WIPF1: variants seen among roughly 807,000 people sequenced by gnomAD.
The protein encoded by WIPF1 is WAS/WASL interacting protein family member 1.
A neutral mutation model predicts 35.4 loss-of-function variants in WIPF1; 13 were observed. That is an observed-to-expected ratio of 0.37 (90% CI 0.24 to 0.58). The LOEUF (loss-of-function observed/expected upper bound fraction) is 0.58. Ranked by LOEUF, WIPF1 falls within the 20% of genes least tolerant of loss-of-function variation. The pLI, the probability that WIPF1 is intolerant of heterozygous loss-of-function variation, is 0.74. For synonymous variants in WIPF1, 267 were observed against 266.3 expected (o/e 1.00, Z -0.02); for missense variants, 591 against 667.0 (o/e 0.89, Z 1.25).
At chr2:174,677,289 C>T (rs1462924648) in intron 1 of WIPF1, among the ~76,000 whole-genome samples, 1 of 152,234 alleles carries the variant, frequency 6.6e-6, no homozygotes, top group Non-Finnish European at 1.5e-5. Flanking sequence ...GAAAAATTCA[C>T]TCAAATCTTA....
rs1240394093 is a variant in WIPF1, at chr2:174,634,516, A to G, written c.-39+48258T>C. On this transcript the variant is annotated intron_variant, in intron 1 of 8. Transcript: ENST00000272746. Reference sequence around the variant, plus strand: ...GTTTTCCAGGGGGCAAAAAGCACTAACCTGTATTGTTTTAATCTGCTGAAA... The same window carrying G: ...GTTTTCCAGGGGGCAAAAAGCACTAGCCTGTATTGTTTTAATCTGCTGAAA... 2.0e-5 allele frequency: 3 copies of G among 152,194 alleles called. No homozygotes were observed. The East Asian group carries it at 5.8e-4, about 29-fold the overall frequency. 9.4% of individuals were successfully genotyped at this position (152,194 alleles called of 1,614,324 possible). A position where few individuals can be genotyped will look rare whatever the true frequency, so the allele number is the denominator to read the frequency against.
chr2:174,581,781 A>T (rs1162573264), intron 2 of WIPF1, among the ~76,000 whole-genome samples: 1 of 152,230 alleles, frequency 6.6e-6, no homozygotes, highest in African/African-American at 2.4e-5. Context: ...AGGATTCTGC[A>T]GGACATTACC....
At chr2:174,655,501 T>A (rs552270370) in intron 1 of WIPF1, 1 of 152,362 alleles carries the variant, frequency 6.6e-6, no homozygotes, top group Admixed American at 6.5e-5. Flanking sequence ...ACCCTAGGTA[T>A]GACAGCTCCT....
rs1485279274 is a variant in WIPF1 at position 174,560,541 on chromosome 2, T to C, written c.*2006A>G. 1 of 152,642 alleles carries C rather than the reference T, an allele frequency of 6.6e-6. No homozygotes were observed. Among genetic ancestry groups the C allele is most frequent in the East Asian group, 1.9e-4 (1 of 5,206 alleles). 9.5% of individuals were successfully genotyped at this position (152,642 alleles called of 1,614,324 possible). On this transcript the variant is annotated 3_prime_UTR_variant, in exon 8 of 8. Coordinates refer to ENST00000679041, the MANE Select transcript of WIPF1 (RefSeq NM_001375834.1). The stretch of plus-strand genomic sequence containing the variant: ...AGATAAAAGAATCCCAAATAAATGA[T>C]GCTGCTAAATTACCAAACTGCTAGA...
intron 1 of WIPF1, among the ~76,000 whole-genome samples, chr2:174,613,713 T>C (rs1686422131): frequency 6.6e-6 from 1 of 152,138 alleles, no homozygotes. Flanking sequence ...AAGGGTAGGT[T>C]GGGCAGGGAG....
In WIPF1 at chr2:174,561,989, A is replaced by C; in HGVS notation, c.*558T>G. On this transcript the variant is annotated 3_prime_UTR_variant, in exon 8 of 8. Transcript: ENST00000679041. ...CTTGTTTAAAATATATTAGAAATGT[A>C]AAAATTGTATATGGGGCTCACATTA... The C allele has an allele frequency of 7.2e-7, 1 of 1,398,192 alleles. No homozygotes were observed. The highest frequency in any genetic ancestry group is 9.7e-7 in the Non-Finnish European group (1 of 1,026,580). 86.6% of individuals were successfully genotyped at this position (1,398,192 alleles called of 1,614,324 possible).
Position 174,579,037 on chromosome 2 carries a change from G to A in WIPF1, c.181+2273C>T, listed in dbSNP as rs560817853. ...ACTGTTCTTTTTTTTGTTTTTTTGA[G>A]ATGGAGTTTCACGCTTGTTGCCCAG... On this transcript the variant is annotated intron_variant, in intron 3 of 7. Coordinates refer to ENST00000679041, the MANE Select transcript of WIPF1 (RefSeq NM_001375834.1). Among the ~76,000 whole-genome samples, 97 of 152,060 alleles carry A rather than the reference G, an allele frequency of 6.4e-4. 2 individuals carry two copies. The highest frequency in any genetic ancestry group is 6.4e-3 in the Admixed American group (97 of 15,270).
Position 174,622,906 on chromosome 2 carries a change from T to A in WIPF1, c.-38-37295A>T, listed in dbSNP as rs1686719525. On this transcript the variant is annotated intron_variant, in intron 1 of 8. Coordinates refer to the WIPF1 transcript ENST00000272746. The surrounding 1 kb of genome is among the most constrained non-coding windows in gnomAD (Gnocchi z 5.1). ...AACTACAACACCTACCATAATGCCCTCCTAAGAGGTGTTCTATTTGTTGTT... is the reference window on the plus strand; with the variant it reads ...AACTACAACACCTACCATAATGCCCACCTAAGAGGTGTTCTATTTGTTGTT... Among the ~76,000 whole-genome samples the A allele has an allele frequency of 6.6e-6, 1 of 152,202 alleles. No individual in the cohort carries two copies. Among genetic ancestry groups the A allele is most frequent in the Non-Finnish European group, 1.5e-5 (1 of 68,030 alleles).
chr2:174,588,341 G>T (rs1190254002), intron 1 of WIPF1, among the ~76,000 whole-genome samples: 1 of 152,150 alleles, frequency 6.6e-6, no homozygotes, highest in Non-Finnish European at 1.5e-5. Context: ...CTGTCATTCT[G>T]TGATCCTAAT....
chr2:174,663,926 C>G (rs1687834138), intron 1 of WIPF1, among the ~76,000 whole-genome samples: 1 of 152,210 alleles, frequency 6.6e-6, no homozygotes, highest in Non-Finnish European at 1.5e-5. Context: ...CAAAGGAGAT[C>G]AGAGGAAGCA....
chr2:174,647,414 C>T (rs1687433159), intron 1 of WIPF1, among the ~76,000 whole-genome samples: 1 of 151,436 alleles, frequency 6.6e-6, no homozygotes. Context: ...TGCTCTGTCA[C>T]CTAGGCTGGA....
At chr2:174,605,294 G>C (rs1036086367) in intron 1 of WIPF1, among the ~76,000 whole-genome samples, 1 of 152,078 alleles carries the variant, frequency 6.6e-6, no homozygotes. Flanking sequence ...TTAGCTGGGC[G>C]TGGTGGGGTG....
chr2:174,641,610 CAAA>C (rs1430217467), intron 1 of WIPF1, among the ~76,000 whole-genome samples: 2 of 152,294 alleles, frequency 1.3e-5, no homozygotes, highest in East Asian at 3.9e-4. Flanking sequence ...TGGTCACAGA[CAAA>C]ATGCCCAACC....
At chr2:174,566,999 T>G in intron 7 of WIPF1, 71 bp downstream of exon 7, 2 of 1,484,232 alleles carry the variant, frequency 1.3e-6, no homozygotes, top group Non-Finnish European at 9.4e-7. Flanking sequence ...AGCCTGGACT[T>G]TCTATATAGC....
At chr2:174,589,530 G>A (rs1195035852) in intron 1 of WIPF1, among the ~76,000 whole-genome samples, 1 of 152,168 alleles carries the variant, frequency 6.6e-6, no homozygotes, top group Non-Finnish European at 1.5e-5. Flanking sequence ...CTTACTGAAG[G>A]CCTTGGCCCT....
At chr2:174,646,471 C>A (rs1184741906) in intron 1 of WIPF1, among the ~76,000 whole-genome samples, 2 of 152,166 alleles carry the variant, frequency 1.3e-5, no homozygotes, top group African/African-American at 4.8e-5. Context: ...TAGTATTATT[C>A]AATGTGAGTA....
rs1559153856 is a variant in WIPF1 at position 174,590,097 on chromosome 2, T to A, written c.-38-4486A>T. On this transcript the variant is annotated intron_variant, in intron 1 of 7. Transcript: ENST00000679041. This position sits in a 1 kb window ranked among gnomAD's most constrained non-coding sequence, Gnocchi z 4.6. ...AAAATAAAAACAAATTAAAATTAAA[T>A]TTTTTAAAAAAAGGAGTCCTTTGGG... Among the ~76,000 whole-genome samples, 1 of 152,078 alleles carries A rather than the reference T, an allele frequency of 6.6e-6. No homozygotes were observed. The highest frequency in any genetic ancestry group is 1.5e-5 in the Non-Finnish European group (1 of 68,000).
At chr2:174,581,265 C>T in intron 3 of WIPF1, 45 bp downstream of exon 3, 1 of 1,609,994 alleles carries the variant, frequency 6.2e-7, no homozygotes, top group Non-Finnish European at 8.5e-7. Context: ...GATTATTAGG[C>T]CATAAACTGT....
intron 1 of WIPF1, chr2:174,634,388 T>C (rs1687121768): frequency 6.6e-6 from 1 of 152,270 alleles, no homozygotes; most frequent in African/African-American, 2.4e-5. Flanking sequence ...AGCTGTGCGC[T>C]GGCTCTTACA....
Sources: allele counts gnomAD v4.1 joint callset (sites outside exome capture counted in the v4.1 genomes callset), GRCh38; gene constraint gnomAD v4.1.1; non-coding constraint Gnocchi (gnomAD v3.1); transcripts MANE v1.5; gene names NCBI Gene and HGNC (gene_info 2026-07-23, HGNC 2026-07-21).